The following ABCA7 variants were observed in gnomAD, a reference collection of about 807,000 sequenced individuals.
ABCA7 encodes ATP binding cassette subfamily A member 7.
Under a neutral mutation model 227.6 loss-of-function variants are expected in ABCA7, and 261 were observed. The ratio of observed to expected loss-of-function variants is 1.15; its 90% CI spans 1.04 to 1.27. The LOEUF is 1.27. ABCA7 is among the 50% of genes most tolerant of loss of function. The probability of loss-of-function intolerance (pLI) is 0.00; values close to 1 mark genes in which losing one functional copy is unlikely to be tolerated. For missense variants in ABCA7, 3,331 were observed against 2,924.5 expected, an observed-to-expected ratio of 1.14 and a Z score of -3.21; for synonymous variants, 1,488 against 1,279.7, an observed-to-expected ratio of 1.16 and a Z score of -3.47.
intron 18 of ABCA7, among the ~76,000 whole-genome samples, chr19:1,050,142 G>A (rs531686078): frequency 6.6e-5 from 10 of 151,464 alleles, no homozygotes; most frequent in African/African-American, 2.2e-4. Context: ...CGGGAGTGGT[G>A]GCTCACGCCT....
At chr19:1,043,574 CTATT>C (rs2040276001) in intron 9 of ABCA7, 101 bp downstream of exon 9, 1 of 1,590,946 alleles carries the variant, frequency 6.3e-7, no homozygotes, top group African/African-American at 1.3e-5. Flanking sequence ...GTCACGGAAA[CTATT>C]TGAAGAAGTA....
At chr19:1,046,684 A>G in intron 13 of ABCA7, 118 bp from the exon 14 acceptor site, 2 of 1,196,976 alleles carry the variant, frequency 1.7e-6, no homozygotes, top group Admixed American at 2.1e-5. Context: ...TCCAAGGAAC[A>G]GGGAGGCAAA....
chr19:1,044,124 T>C (rs2144697459), intron 10 of ABCA7, among the ~76,000 whole-genome samples: 1 of 150,850 alleles, frequency 6.6e-6, no homozygotes, highest in South Asian at 2.1e-4. Flanking sequence ...TTATTTTTAG[T>C]AGAGACGGGG....
chr19:1,055,245 C>T lies in ABCA7; in HGVS notation c.4099C>T (p.Pro1367Ser), dbSNP rs769354095. ...CTGCCCGGCTGCAGCTGGTGGTCCCCCTCCGCCCCAGGCAGTGACCGGCTC... is the reference window on the plus strand; with the variant it reads ...CTGCCCGGCTGCAGCTGGTGGTCCCTCTCCGCCCCAGGCAGTGACCGGCTC... ...PDCPAAAGGP[P>S]PPQAVTGSGE... Residue 1367 changes from proline (P) to serine (S), a missense_variant, in exon 30 of 47, where the codon CCT becomes TCT. By Grantham distance (74) the Pro-to-Ser change is moderately conservative. Coordinates refer to ENST00000263094, the MANE Select transcript of ABCA7 (RefSeq NM_019112.4). 2 of 1,604,238 alleles carry T rather than the reference C, an allele frequency of 1.2e-6. No homozygotes were observed. The highest frequency in any genetic ancestry group is 1.7e-5 in the Admixed American group (1 of 58,732).
chr19:1,056,058 C>T lies in ABCA7; in HGVS notation c.4239-8C>T. On this transcript the variant is annotated splice_polypyrimidine_tract_variant and splice_region_variant and intron_variant, in intron 31 of 46. Transcript: ENST00000263094. This position sits in a 1 kb window ranked among gnomAD's most constrained non-coding sequence, Gnocchi z 4.3. ...CAGCTCCCCTTCCCTGCCTGCATGG[C>T]CCCACAGATACGGAGGCTTCTCGCT... 6.3e-7 allele frequency: 1 copy of T among 1,577,566 alleles called. No homozygotes were observed.
chr19:1,052,674 A>AGG (rs1290558798), intron 23 of ABCA7, among the ~76,000 whole-genome samples: 3 of 27,082 alleles, frequency 1.1e-4, no homozygotes, highest in East Asian at 1.3e-3. Flanking sequence ...GGGGGAGGAG[A>AGG]AGGGGGAGGA....
At chr19:1,064,604 A>G in intron 45 of ABCA7, 1 of 393,118 alleles carries the variant, frequency 2.5e-6, no homozygotes. Flanking sequence ...GGGGGTATTT[A>G]TTGTGTGGGC....
In ABCA7 at chr19:1,065,078, C is replaced by G. The variant is rs1290542595; in HGVS notation, c.6192C>G (p.Arg2064=). Residue 2064 remains arginine, a synonymous_variant, in exon 46 of 47, where the codon CGC becomes CGG. Transcript: ENST00000263094. The stretch of plus-strand genomic sequence containing the variant: ...GCTTCCAGCTGCCGCCGGGAGGGCG[C>G]TGCGCCCTGGCGCGCGTCTTTGGAG... ...RLRFQLPPGG[R]CALARVFGEL... 9 of 1,569,782 alleles carry G rather than the reference C, an allele frequency of 5.7e-6. No homozygotes were observed. Among genetic ancestry groups the G allele is most frequent in the Non-Finnish European group, 7.8e-6 (9 of 1,158,860 alleles).
Position 1,057,262 on chromosome 19 carries a change from G to A in ABCA7, c.4765-52G>A, listed in dbSNP as rs192505421. The A allele has an allele frequency of 3.3e-4, 522 of 1,598,816 alleles. 2 individuals are homozygous for A. The highest frequency in any genetic ancestry group is 6.1e-5 in the Non-Finnish European group (71 of 1,166,968). ...TCAGGGTGGGAACAGGGCTGAGGGT[G>A]GCAGTGCCCACCTCTTTAGGCTGAT... On this transcript the variant is annotated intron_variant, in intron 34 of 46. Coordinates refer to ENST00000263094, the MANE Select transcript of ABCA7 (RefSeq NM_019112.4).
Position 1,064,189 on chromosome 19 carries a change from C to T in ABCA7, c.5980C>T (p.Arg1994Cys), listed in dbSNP as rs1394138724. 5 of 1,580,330 alleles carry T rather than the reference C, an allele frequency of 3.2e-6. No homozygotes were observed. Among genetic ancestry groups the T allele is most frequent in the Non-Finnish European group, 4.3e-6 (5 of 1,164,768 alleles). ...GGAGGAGTGTGAAGCGCTCTGCTCG[C>T]GCCTGGCCATCATGGTGAATGGGCG... ...SMEECEALCSRLAIMVNGRFR... is the reference protein window; with the variant it reads ...SMEECEALCSCLAIMVNGRFR... Residue 1994 changes from arginine (R) to cysteine (C), a missense_variant, in exon 45 of 47, where the codon CGC becomes TGC. Arg to Cys is a radical substitution (Grantham distance 180). Transcript: ENST00000263094.
chr19:1,041,695 C>G lies in ABCA7; in HGVS notation c.160+92C>G, dbSNP rs2144669697. On this transcript the variant is annotated intron_variant, in intron 3 of 46. Transcript: ENST00000263094. Reference sequence around the variant, plus strand: ...GGAATCCCCCGTGCATGTCAGGGAGCCTTCACCAGGCCGCCAATACATGGC... The same window carrying G: ...GGAATCCCCCGTGCATGTCAGGGAGGCTTCACCAGGCCGCCAATACATGGC... The G allele has an allele frequency of 3.8e-6, 6 of 1,574,850 alleles. No individual in the cohort carries two copies. The South Asian group carries it at 5.6e-5, about 15-fold the overall frequency.
chr19:1,043,456 C>T lies in ABCA7; in HGVS notation c.913C>T (p.Arg305Trp), dbSNP rs749959049. 15 of 1,613,142 alleles carry T rather than the reference C, an allele frequency of 9.3e-6. No individual in the cohort carries two copies. The highest frequency in any genetic ancestry group is 1.6e-4 in the Middle Eastern group (1 of 6,084). The change falls in exon 9 of 47, where the codon CGG becomes TGG. Residue 305 changes from arginine to tryptophan, a missense_variant. By Grantham distance (101) the Arg-to-Trp change is moderately radical (BLOSUM62 -3). Coordinates refer to ENST00000263094, the MANE Select transcript of ABCA7 (RefSeq NM_019112.4). Reference sequence around the variant, plus strand: ...CTTTGCACCAGATACACCTTTTACCCGGAAGCTCATGGCCCAGGTGGGGGC... The same window carrying T: ...CTTTGCACCAGATACACCTTTTACCTGGAAGCTCATGGCCCAGGTGGGGGC... Reference protein sequence around the residue: ...LLFAPDTPFTRKLMAQVNRTF... With the variant: ...LLFAPDTPFTWKLMAQVNRTF...
In ABCA7 at chr19:1,054,474, TG is replaced by T. The variant is rs2042066281; in HGVS notation, c.3727-92del. The T allele has an allele frequency of 6.4e-7, 1 of 1,567,148 alleles. No individual in the cohort carries two copies. The highest frequency in any genetic ancestry group is 8.6e-7 in the Non-Finnish European group (1 of 1,156,488). ...CCCAAAGCACATTTATTGAGGGCAC[TG>T]GGGAGCCATGGGTGGTTGTAGAGCA... On this transcript the variant is annotated intron_variant, in intron 27 of 46. Coordinates refer to ENST00000263094, the MANE Select transcript of ABCA7 (RefSeq NM_019112.4). This position sits in a 1 kb window ranked among gnomAD's most constrained non-coding sequence, Gnocchi z 4.8.
chr19:1,061,842 G>A lies in ABCA7; in HGVS notation c.5524G>A (p.Gly1842Arg), dbSNP rs1235022629. ...GKTSTFRMVTGDTLASRGEAV... is the reference protein window; with the variant it reads ...GKTSTFRMVTRDTLASRGEAV... ...GACGTCCACGTTTCGCATGGTGACG[G>A]GGGACACATTGGCCAGCAGGGGCGA... Residue 1842 changes from glycine (G) to arginine (R), a missense_variant, in exon 41 of 47, where the codon GGG (glycine) becomes AGG (arginine). Gly to Arg is a moderately radical substitution (Grantham distance 125). Coordinates refer to ENST00000263094, the MANE Select transcript of ABCA7 (RefSeq NM_019112.4). 1.2e-6 allele frequency: 2 copies of A among 1,606,454 alleles called. No homozygotes were observed. The highest frequency in any genetic ancestry group is 1.7e-6 in the Non-Finnish European group (2 of 1,177,508).
intron 18 of ABCA7, among the ~76,000 whole-genome samples, chr19:1,050,062 T>C (rs2041400139): frequency 6.9e-6 from 1 of 144,186 alleles, no homozygotes. Flanking sequence ...TCCCTCCCTG[T>C]GAGCAGTAAT....
intron 18 of ABCA7, 30 bp downstream of exon 18, chr19:1,049,467 G>GA: frequency 1.6e-6 from 2 of 1,255,752 alleles, no homozygotes; most frequent in East Asian, 3.3e-5. Flanking sequence ...CTCCCCGTGA[G>GA]CCCCCCCACT....
Position 1,042,776 on chromosome 19 carries a change from C to T in ABCA7, c.529C>T (p.Gln177Ter), listed in dbSNP as rs1450733833. Residue 177 changes from glutamine to a stop codon, truncating the protein, a stop_gained, in exon 7 of 47, where the codon CAG (glutamine) becomes TAG (stop). Transcript: ENST00000263094. LOFTEE classifies it high-confidence loss of function. ...CCTGGGGTTGGCACTGGGCCAAGCC[C>T]AGGAGCCCTTGCACAGCTTGTTGGA... ...ESLGLALGQA[Q>*]EPLHSLLEAA... 3 of 1,613,288 alleles carry T rather than the reference C, an allele frequency of 1.9e-6. No individual in the cohort carries two copies. The African/African-American group carries it at 4.0e-5, about 22-fold the overall frequency.
intron 12 of ABCA7, 24 bp downstream of exon 12, chr19:1,045,255 G>C: frequency 6.4e-7 from 1 of 1,567,632 alleles, no homozygotes; most frequent in Non-Finnish European, 8.7e-7. Context: ...GGGGGCGGGG[G>C]GATGAGGGAC....
rs1225104139 is a variant in ABCA7, at chr19:1,056,603, T to G, written c.4586+104T>G. On this transcript the variant is annotated intron_variant, in intron 33 of 46. Coordinates refer to ENST00000263094, the MANE Select transcript of ABCA7 (RefSeq NM_019112.4). The surrounding 1 kb of genome is among the most constrained non-coding windows in gnomAD (Gnocchi z 4.3). ...GCTGGATTTGAACCCTGACACACTC[T>G]TGCTTTATAAATGGGGGATAGAAAC... 7.3e-6 allele frequency: 10 copies of G among 1,373,560 alleles called. No homozygotes were observed. The highest frequency in any genetic ancestry group is 9.9e-6 in the Non-Finnish European group (10 of 1,014,818). The allele number at this position is 1,373,560 out of a possible 1,614,324, so 85.1% of individuals were successfully genotyped here.
Sources: gnomAD v4.1 joint callset for allele counts (sites outside exome capture counted in the v4.1 genomes callset) on GRCh38, gnomAD v4.1.1 for gene constraint, Gnocchi (gnomAD v3.1) non-coding constraint, MANE v1.5 for transcripts, NCBI Gene and HGNC (gene_info 2026-07-23, HGNC 2026-07-21) for gene names.